The following RCSD1 variants were observed in gnomAD, a reference collection of about 807,000 sequenced individuals.
The protein encoded by RCSD1 is RCSD domain containing 1.
RCSD1 carries 26 observed loss-of-function variants against 42.5 expected under a neutral mutation model. The ratio of observed to expected loss-of-function variants is 0.61; its 90% CI spans 0.45 to 0.85. The LOEUF is 0.85. Ranked by LOEUF, RCSD1 falls within the 40% of genes least tolerant of loss-of-function variation. The pLI is 0.00. For synonymous variants in RCSD1, 220 were observed against 212.2 expected (o/e 1.04, Z -0.32); for missense variants, 571 against 528.3 (o/e 1.08, Z -0.79).
intron 3 of RCSD1, among the ~76,000 whole-genome samples, chr1:167,688,834 C>T (rs1439189295): frequency 6.6e-6 from 1 of 152,168 alleles, no homozygotes; most frequent in Non-Finnish European, 1.5e-5. Flanking sequence ...ACATTGGTCT[C>T]CACACTATGG....
chr1:167,682,546 G>T (rs1218014101), intron 1 of RCSD1, among the ~76,000 whole-genome samples: 1 of 152,098 alleles, frequency 6.6e-6, no homozygotes, highest in East Asian at 1.9e-4. Flanking sequence ...GAGGAGATCT[G>T]CCCCTCCCTT....
intron 3 of RCSD1, 145 bp downstream of exon 3, chr1:167,685,655 C>T: frequency 3.2e-6 from 2 of 634,810 alleles, no homozygotes; most frequent in Admixed American, 3.2e-5. Context: ...AGTGAATCTC[C>T]TCTTAAATGT....
At chr1:167,644,296 A>G (rs1355379107) in intron 1 of RCSD1, among the ~76,000 whole-genome samples, 1 of 152,132 alleles carries the variant, frequency 6.6e-6, no homozygotes, top group Non-Finnish European at 1.5e-5. Flanking sequence ...CCTGACCAAC[A>G]TGGAGAAACC....
intron 1 of RCSD1, among the ~76,000 whole-genome samples, chr1:167,655,841 G>A (rs757676215): frequency 7.2e-5 from 11 of 152,146 alleles, no homozygotes; most frequent in East Asian, 1.9e-4. Context: ...GGATGCCTTC[G>A]CTATTGAAAA....
At chr1:167,630,632 G>T in intron 1 of RCSD1, 1 of 405,446 alleles carries the variant, frequency 2.5e-6, no homozygotes, top group Non-Finnish European at 4.2e-6. Flanking sequence ...CACCCGGGTT[G>T]GGAGGCTGGG....
At chr1:167,692,148 T>C (rs567070239) in intron 4 of RCSD1, among the ~76,000 whole-genome samples, 1 of 152,334 alleles carries the variant, frequency 6.6e-6, no homozygotes, top group African/African-American at 2.4e-5. Flanking sequence ...TTGTCAGCAA[T>C]AGAATGACAA....
At chr1:167,683,452 G>C (rs549086142) in intron 1 of RCSD1, among the ~76,000 whole-genome samples, 1 of 152,114 alleles carries the variant, frequency 6.6e-6, no homozygotes, top group Admixed American at 6.5e-5. Flanking sequence ...TTTACTGAGC[G>C]CTTCTTTACC....
At chr1:167,640,732 T>C (rs1229212956) in intron 1 of RCSD1, 1 of 152,362 alleles carries the variant, frequency 6.6e-6, no homozygotes, top group African/African-American at 2.4e-5. Flanking sequence ...GTATTTTTAG[T>C]AGAGACGAGG....
intron 6 of RCSD1, among the ~76,000 whole-genome samples, chr1:167,701,288 CT>C (rs1558096084): frequency 6.8e-6 from 1 of 146,660 alleles, no homozygotes; most frequent in Non-Finnish European, 1.5e-5. Context: ...TTCTTTCTTT[CT>C]TTCTTTCTTT....
chr1:167,694,279 A>G lies in RCSD1; in HGVS notation c.451A>G (p.Ser151Gly). The change falls in exon 5 of 7, where the codon AGT becomes GGT. Residue 151 changes from serine to glycine, a missense_variant. Coordinates refer to ENST00000367854, the MANE Select transcript of RCSD1 (RefSeq NM_052862.4). ...PVSFDQPPEG[S>G]HLPCYNKVRT... ...CAGCTTCGACCAGCCCCCTGAAGGC[A>G]GTCATCTGCCCTGTTACAACAAGGT... 6.2e-7 allele frequency: 1 copy of G among 1,614,144 alleles called. No homozygotes were observed. Among genetic ancestry groups the G allele is most frequent in the Non-Finnish European group, 8.5e-7 (1 of 1,180,006 alleles).
chr1:167,698,365 T>C (rs181661813), intron 6 of RCSD1, among the ~76,000 whole-genome samples: 6 of 152,298 alleles, frequency 3.9e-5, no homozygotes, highest in African/African-American at 1.4e-4. Context: ...ACAATTTGTG[T>C]GTGGATGGGA....
intron 5 of RCSD1, among the ~76,000 whole-genome samples, chr1:167,695,101 CAGGG>C (rs1472327672): frequency 6.6e-6 from 1 of 152,104 alleles, no homozygotes; most frequent in Non-Finnish European, 1.5e-5. Context: ...TGTGTAAAAA[CAGGG>C]AGGACTCAAG....
chr1:167,661,503 C>T (rs542661746), intron 1 of RCSD1, among the ~76,000 whole-genome samples: 13 of 152,360 alleles, frequency 8.5e-5, no homozygotes, highest in Admixed American at 5.9e-4. Context: ...CTGTAGGGAT[C>T]TAGAAGGTCC....
rs370312255 is a variant in RCSD1, at chr1:167,690,062, A to G, written c.212A>G (p.Asn71Ser). 2.0e-5 allele frequency: 33 copies of G among 1,614,034 alleles called. No homozygotes were observed. Among genetic ancestry groups the G allele is most frequent in the African/African-American group, 2.0e-4 (15 of 74,918 alleles). ...TTTGCTCCATAGAAATCACCACCCA[A>G]TGCGAGCCACCCTCCTAAATTCAAG... ...GQNGEEKSPP[N>S]ASHPPKFKVK... Residue 71 changes from asparagine (N) to serine (S), a missense_variant, in exon 4 of 7, where the codon AAT (asparagine) becomes AGT (serine). Asn to Ser is a conservative substitution (Grantham distance 46). Transcript: ENST00000367854.
rs572271577 is a variant in RCSD1, at chr1:167,653,799, G to GGAT, written c.6+23376_6+23378dup. Among the ~76,000 whole-genome samples, 3 of 152,306 alleles carry GGAT rather than the reference G, an allele frequency of 2.0e-5. No homozygotes were observed. In the South Asian group the frequency reaches 6.2e-4, roughly 32 times the overall value. On this transcript the variant is annotated intron_variant, in intron 1 of 6. Transcript: ENST00000367854. ...AGAAGGCAGGAAGGAGCTGGATCTT[G>GGAT]GATGATGAAGAAGAACTGTCCAGGT...
intron 4 of RCSD1, among the ~76,000 whole-genome samples, chr1:167,691,052 A>G (rs540665260): frequency 6.6e-6 from 1 of 152,340 alleles, no homozygotes; most frequent in African/African-American, 2.4e-5. Context: ...ACTGTGGGTC[A>G]CTGCCCGGCT....
intron 3 of RCSD1, among the ~76,000 whole-genome samples, chr1:167,688,432 C>T (rs1385010946): frequency 2.0e-5 from 3 of 152,114 alleles, no homozygotes; most frequent in African/African-American, 7.2e-5. Context: ...GCTCTTTATA[C>T]TCATCCTAGA....
At chr1:167,675,067 C>A (rs903198390) in intron 1 of RCSD1, among the ~76,000 whole-genome samples, 2 of 151,748 alleles carry the variant, frequency 1.3e-5, no homozygotes, top group South Asian at 2.1e-4. Flanking sequence ...TTAGCTGGGC[C>A]TGGTGGCACG....
At chr1:167,691,441 C>T (rs1211538267) in intron 4 of RCSD1, among the ~76,000 whole-genome samples, 3 of 152,222 alleles carry the variant, frequency 2.0e-5, no homozygotes, top group African/African-American at 7.2e-5. Context: ...ATGGCAGAAG[C>T]TAAAGTGCGG....
Sources: allele counts gnomAD v4.1 joint callset (sites outside exome capture counted in the v4.1 genomes callset), GRCh38; gene constraint gnomAD v4.1.1; transcripts MANE v1.5; gene names NCBI Gene and HGNC (gene_info 2026-07-23, HGNC 2026-07-21).